Variants in NRG1 observed in about 807,000 individuals in gnomAD.
NRG1 encodes neuregulin 1.
Under a neutral mutation model 63.8 loss-of-function variants are expected in NRG1, and 18 were observed. That is an observed-to-expected ratio of 0.28 (90% CI 0.19 to 0.42). The LOEUF (loss-of-function observed/expected upper bound fraction) is 0.42, where lower values mean the gene tolerates loss of function less well. NRG1 is among the 10% of genes least tolerant of loss of function. The probability of loss-of-function intolerance (pLI) is 1.00; values close to 1 mark genes in which losing one functional copy is unlikely to be tolerated. For missense variants in NRG1, 762 were observed against 814.7 expected, an observed-to-expected ratio of 0.94 and a Z score of 0.79; for synonymous variants, 302 against 301.3, an observed-to-expected ratio of 1.00 and a Z score of -0.02.
chr8:32,121,246 A>G (rs759696042), intron 1 of NRG1, among the ~76,000 whole-genome samples: 9 of 152,034 alleles, frequency 5.9e-5, no homozygotes, highest in Non-Finnish European at 1.2e-4. Context: ...CACTCCGTTC[A>G]GTGTGTATAT....
intron 1 of NRG1, among the ~76,000 whole-genome samples, chr8:32,119,307 C>T (rs886137244): frequency 1.3e-5 from 2 of 152,082 alleles, no homozygotes; most frequent in Non-Finnish European, 2.9e-5. Context: ...ACTAAAGTCA[C>T]GTAGCGACTA....
chr8:32,536,397 A>T (rs1013833657), intron 1 of NRG1, among the ~76,000 whole-genome samples: 13 of 152,202 alleles, frequency 8.5e-5, no homozygotes, highest in African/African-American at 2.9e-4. Flanking sequence ...CTTCAAAGCC[A>T]ATAGGAGAAT....
intron 1 of NRG1, among the ~76,000 whole-genome samples, chr8:32,338,891 T>C (rs1028422256): frequency 6.6e-6 from 1 of 152,118 alleles, no homozygotes; most frequent in Non-Finnish European, 1.5e-5. Context: ...ACATCTGGCT[T>C]TAAGTCTCCA....
chr8:31,786,116 T>C (rs1049139463), intron 1 of NRG1, among the ~76,000 whole-genome samples: 15 of 152,270 alleles, frequency 9.9e-5, no homozygotes, highest in Admixed American at 7.8e-4. Flanking sequence ...GCTTGGAGGT[T>C]TGGGGTTGAG....
chr8:32,481,668 C>T (rs1202938870), intron 1 of NRG1, among the ~76,000 whole-genome samples: 1 of 152,220 alleles, frequency 6.6e-6, no homozygotes, highest in Non-Finnish European at 1.5e-5. Context: ...TTAATTGATT[C>T]ACCTCTAATA....
chr8:32,471,714 C>T (rs1015667805), intron 1 of NRG1, among the ~76,000 whole-genome samples: 1 of 151,898 alleles, frequency 6.6e-6, no homozygotes, highest in African/African-American at 2.4e-5. Context: ...GTTCAAATAC[C>T]GAAAGAAAAA....
chr8:32,172,942 A>G (rs111632196), intron 1 of NRG1, among the ~76,000 whole-genome samples: 12,946 of 152,300 alleles, frequency 0.085, 674 homozygotes, highest in East Asian at 0.26. Flanking sequence ...GAGAACTTCC[A>G]CAATCTAGCA....
At chr8:32,733,030 C>T (rs1727954803) in intron 6 of NRG1, among the ~76,000 whole-genome samples, 1 of 152,066 alleles carries the variant, frequency 6.6e-6, no homozygotes, top group Admixed American at 6.5e-5. Flanking sequence ...TGGCCTCAAA[C>T]TCCTGACTTC....
chr8:31,809,741 G>GTTTTTTTTTTT (rs753730069), intron 1 of NRG1, among the ~76,000 whole-genome samples: 1 of 68,018 alleles, frequency 1.5e-5, no homozygotes, highest in Non-Finnish European at 2.6e-5. Context: ...TCTATTAATT[G>GTTTTTTTTTTT]TTTTTTTTTT....
At chr8:32,052,811 A>T (rs955552975) in intron 1 of NRG1, among the ~76,000 whole-genome samples, 1 of 152,180 alleles carries the variant, frequency 6.6e-6, no homozygotes, top group Non-Finnish European at 1.5e-5. Flanking sequence ...GTTCTCTCAT[A>T]GTTCTATGGA....
intron 1 of NRG1, among the ~76,000 whole-genome samples, chr8:32,246,810 G>A (rs1848630409): frequency 6.6e-6 from 1 of 152,038 alleles, no homozygotes; most frequent in Non-Finnish European, 1.5e-5. Flanking sequence ...ACAGGGGATG[G>A]GGGTGGAGGG....
chr8:32,762,965 A>G (rs1830990478), intron 11 of NRG1, among the ~76,000 whole-genome samples: 1 of 152,190 alleles, frequency 6.6e-6, no homozygotes, highest in South Asian at 2.1e-4. Flanking sequence ...GAGATTGACC[A>G]AAGACTGATA....
rs578105738 is a variant in NRG1 at position 32,634,142 on chromosome 8, G to A, written c.502+17257G>A. Among the ~76,000 whole-genome samples, 36 of 133,436 alleles carry A rather than the reference G, an allele frequency of 2.7e-4. 1 individual carries two copies. The South Asian group carries it at 8.3e-3, about 31-fold the overall frequency. 87.5% of individuals were successfully genotyped at this position (133,436 alleles called of 152,430 possible). A position where few individuals can be genotyped will look rare whatever the true frequency, so the allele number is the denominator to read the frequency against. ...AAGGTTGCATAAAGCAGCAGAGACA[G>A]GATCAACCTAGAATGTCTGTGGAAA... On this transcript the variant is annotated intron_variant, in intron 5 of 11. Transcript: ENST00000356819.
intron 1 of NRG1, among the ~76,000 whole-genome samples, chr8:32,143,182 T>C (rs1470047761): frequency 6.6e-6 from 1 of 152,100 alleles, no homozygotes; most frequent in East Asian, 1.9e-4. Flanking sequence ...CTGCCCTTGA[T>C]TGGGCAGATC....
chr8:32,338,347 G>A (rs10086332), intron 1 of NRG1, among the ~76,000 whole-genome samples: 79,016 of 151,998 alleles, frequency 0.52, 21,412 homozygotes, highest in Non-Finnish European at 0.61. Flanking sequence ...TCACCTTTAT[G>A]TAACATCTAA....
At chr8:31,643,149 G>T (rs1315028153) in intron 1 of NRG1, among the ~76,000 whole-genome samples, 2 of 152,154 alleles carry the variant, frequency 1.3e-5, no homozygotes, top group Non-Finnish European at 2.9e-5. Flanking sequence ...ATGAGAATGG[G>T]GGCTGATTTG....
rs545945731 is a variant in NRG1 at position 32,463,428 on chromosome 8, G to T, written c.38-132400G>T. On this transcript the variant is annotated intron_variant, in intron 1 of 10. Coordinates refer to the NRG1 transcript ENST00000519301. Reference sequence around the variant, plus strand: ...GCATTCCCTCTGAAAGTGGACAAGGGTTCCCTTTATTCTACACTCTCACCA... The same window carrying T: ...GCATTCCCTCTGAAAGTGGACAAGGTTTCCCTTTATTCTACACTCTCACCA... Among the ~76,000 whole-genome samples the T allele has an allele frequency of 6.6e-5, 10 of 152,260 alleles. No homozygotes were observed. The East Asian group carries it at 1.9e-3, about 29-fold the overall frequency.
rs1830813620 is a variant in NRG1, at chr8:31,887,510, G to T, written c.37+248079G>T. 1.3e-5 allele frequency among the ~76,000 whole-genome samples: 2 copies of T among 152,010 alleles called. 1 individual carries two copies. The highest frequency in any genetic ancestry group is 4.1e-4 in the South Asian group (2 of 4,822). On this transcript the variant is annotated intron_variant, in intron 1 of 10. Coordinates refer to the NRG1 transcript ENST00000519301. ...TTAAAGGTACTCGAGTTCCTAGCTT[G>T]CCCTGTAACTACACATATAGAGAAG... is the stretch of plus-strand genomic sequence containing the variant.
intron 1 of NRG1, among the ~76,000 whole-genome samples, chr8:32,234,968 A>G (rs1111306): frequency 0.74 from 112,713 of 151,924 alleles, 42,938 homozygotes; most frequent in African/African-American, 0.91. Context: ...GAATTAATTA[A>G]TAGTCTTAGA....
Sources: allele counts gnomAD v4.1 joint callset (sites outside exome capture counted in the v4.1 genomes callset), GRCh38; gene constraint gnomAD v4.1.1; transcripts MANE v1.5; gene names NCBI Gene and HGNC (gene_info 2026-07-23, HGNC 2026-07-21).